SMARCD3: variants seen among roughly 807,000 people sequenced by gnomAD.
SMARCD3 encodes SWI/SNF-related matrix-associated actin-dependent regulator of chromatin subfamily D member 3.
Under a neutral mutation model 58.0 loss-of-function variants are expected in SMARCD3, and 14 were observed. That is an observed-to-expected ratio of 0.24 (90% confidence interval 0.16 to 0.38). The LOEUF (loss-of-function observed/expected upper bound fraction) is 0.38, where lower values mean the gene tolerates loss of function less well. SMARCD3 is among the 10% of genes least tolerant of loss of function. SMARCD3 has a pLI of 1.00. For synonymous variants in SMARCD3, 253 were observed against 253.8 expected (o/e 1.00, Z 0.03); for missense variants, 408 against 636.9 (o/e 0.64, Z 3.87).
At chr7:151,251,158 T>C (rs1351074211), upstream of SMARCD3, among the ~76,000 whole-genome samples, 1 of 151,928 alleles carries the variant, frequency 6.6e-6, no homozygotes, top group Non-Finnish European at 1.5e-5. Context: ...TGGAAGAGGT[T>C]GCGGGAGGTA....
In SMARCD3 at chr7:151,273,015, C is replaced by T. The variant is rs757521944; in HGVS notation, c.39+2099G>A. 4.6e-5 allele frequency among the ~76,000 whole-genome samples: 7 copies of T among 152,320 alleles called. No individual in the cohort carries two copies. In the South Asian group the frequency reaches 1.0e-3, roughly 23 times the overall value. On this transcript the variant is annotated intron_variant, in intron 2 of 13. Coordinates refer to the SMARCD3 transcript ENST00000356800. ...CATGAGCACTCACTTGCAGTCACAC[C>T]GCCAGTTTTGGGGTGAGGACGGACG...
chr7:151,261,366 C>T (rs1383734068), intron 2 of SMARCD3, among the ~76,000 whole-genome samples: 1 of 152,142 alleles, frequency 6.6e-6, no homozygotes, highest in Admixed American at 6.5e-5. Flanking sequence ...GGTGAAATTG[C>T]CCCAGGGTTG....
At position 151,246,419 on chromosome 7, in the gene SMARCD3, G is replaced by GCT. The variant is rs1467268660; in HGVS notation, c.79-749_79-748insAG. 1.3e-5 allele frequency among the ~76,000 whole-genome samples: 2 copies of GCT among 152,182 alleles called. No individual in the cohort carries two copies. Among genetic ancestry groups the GCT allele is most frequent in the East Asian group, 3.9e-4 (2 of 5,182 alleles). ...ATAATTTGCTCCCAGGGTGAGGGCT[G>GCT]GAGGCAGGGCAGGCAAGGGCAGCCT... On this transcript the variant is annotated intron_variant, in intron 1 of 12. Transcript: ENST00000262188. This position sits in a 1 kb window ranked among gnomAD's most constrained non-coding sequence, Gnocchi z 4.4.
In SMARCD3 at chr7:151,259,601, G is replaced by GTTTTTTT. The variant is rs112223142; in HGVS notation, c.40-13937_40-13931dup. ...TGCCAGCTGAGGTTACAACCTGAGAGTTTTTTTTTTTTTTTTTTTTTTTTT... is the reference window on the plus strand; with the variant it reads ...TGCCAGCTGAGGTTACAACCTGAGAGTTTTTTTTTTTTTTTTTTTTTTTTTTTTTTTT... On this transcript the variant is annotated intron_variant, in intron 2 of 13. Coordinates refer to the SMARCD3 transcript ENST00000356800. 5.3e-3 allele frequency among the ~76,000 whole-genome samples: 374 copies of GTTTTTTT among 70,494 alleles called. 33 individuals carry two copies. Among genetic ancestry groups the GTTTTTTT allele is most frequent in the African/African-American group, 0.011 (197 of 17,136 alleles). The allele number at this position is 70,494 out of a possible 152,430, so 46.2% of individuals were successfully genotyped here.
intron 1 of SMARCD3, among the ~76,000 whole-genome samples, chr7:151,275,471 C>T (rs572221899): frequency 1.0e-3 from 152 of 152,220 alleles, no homozygotes; most frequent in African/African-American, 3.5e-3. Flanking sequence ...CAGACAGAGA[C>T]CGGCCCCAGG....
Position 151,239,512 on chromosome 7 carries a change from G to T in SMARCD3, c.1297-15C>A, listed in dbSNP as rs772621477. 5.0e-6 allele frequency: 8 copies of T among 1,611,274 alleles called. No individual in the cohort carries two copies. The Admixed American group carries it at 1.0e-4, about 20-fold the overall frequency. ...TCTGTCATCACCTGGGAGGGAGCGTGGGGTGAGCCCTGAGCCCTGAATCCC... is the reference window on the plus strand; with the variant it reads ...TCTGTCATCACCTGGGAGGGAGCGTTGGGTGAGCCCTGAGCCCTGAATCCC... On this transcript the variant is annotated splice_polypyrimidine_tract_variant and intron_variant, in intron 11 of 12. Transcript: ENST00000262188. This position sits in a 1 kb window ranked among gnomAD's most constrained non-coding sequence, Gnocchi z 7.0.
chr7:151,257,807 G>A (rs1554489816), intron 2 of SMARCD3, among the ~76,000 whole-genome samples: 1 of 151,956 alleles, frequency 6.6e-6, no homozygotes, highest in Non-Finnish European at 1.5e-5. Flanking sequence ...ACCTCTCCAC[G>A]CTCACTTCCT....
At chr7:151,247,783 G>A (rs1221608939) in intron 1 of SMARCD3, among the ~76,000 whole-genome samples, 1 of 151,878 alleles carries the variant, frequency 6.6e-6, no homozygotes, top group Non-Finnish European at 1.5e-5. Context: ...TGGCAGGACA[G>A]TGCTCCCCTG....
At chr7:151,252,615 G>T (rs754390673), upstream of SMARCD3, among the ~76,000 whole-genome samples, 1 of 152,178 alleles carries the variant, frequency 6.6e-6, no homozygotes, top group Non-Finnish European at 1.5e-5. Context: ...CCCGGGCTAA[G>T]CACCAGCCTC....
Position 151,248,504 on chromosome 7 carries a change from T to G in SMARCD3, c.59A>C (p.Glu20Ala), listed in dbSNP as rs1319411127. 6.2e-7 allele frequency: 1 copy of G among 1,610,448 alleles called. No homozygotes were observed. Among genetic ancestry groups the G allele is most frequent in the Non-Finnish European group, 8.5e-7 (1 of 1,178,152 alleles). Residue 20 changes from glutamate to alanine, a missense_variant, in exon 1 of 13, where the codon GAG becomes GCG. Glu to Ala is a moderately radical substitution (Grantham distance 107). Transcript: ENST00000262188. This position sits in a 1 kb window ranked among gnomAD's most constrained non-coding sequence, Gnocchi z 6.1. ...ARKATKSKLFEFLVHGVRPGM... is the reference protein window; with the variant it reads ...ARKATKSKLFAFLVHGVRPGM... ...ACTCACCACCCCATGGACCAGAAACTCAAAAAGTTTGCTTTTCGTGGCTTT... is the reference window on the plus strand; with the variant it reads ...ACTCACCACCCCATGGACCAGAAACGCAAAAAGTTTGCTTTTCGTGGCTTT...
At position 151,239,265 on chromosome 7, in the gene SMARCD3, G is replaced by A; in HGVS notation, c.1399-109C>T. 1 of 1,371,270 alleles carries A rather than the reference G, an allele frequency of 7.3e-7. No individual in the cohort carries two copies. 84.9% of individuals were successfully genotyped at this position (1,371,270 alleles called of 1,614,324 possible). A position where few individuals can be genotyped will look rare whatever the true frequency, so the allele number is the denominator to read the frequency against. On this transcript the variant is annotated intron_variant, in intron 12 of 12. Transcript: ENST00000262188. The surrounding 1 kb of genome is among the most constrained non-coding windows in gnomAD (Gnocchi z 7.0). ...TGAAAGAGCATCTGGGAGCAGGGAG[G>A]GCCATTGCATGGTGAGGCAGCGTGG...
intron 2 of SMARCD3, among the ~76,000 whole-genome samples, chr7:151,253,884 G>A (rs1803611602): frequency 1.0e-5 from 1 of 100,074 alleles, no homozygotes; most frequent in South Asian, 4.0e-4. Context: ...GCAGTGCCCT[G>A]ACCTGCTGGC....
At chr7:151,240,630 T>C in intron 8 of SMARCD3, 108 bp from the exon 9 acceptor site, 6 of 816,438 alleles carry the variant, frequency 7.3e-6, no homozygotes, top group Non-Finnish European at 1.2e-5. Flanking sequence ...AGAGGAAGTC[T>C]GATTCCTCAG....
At chr7:151,264,058 A>T (rs1804005249) in intron 2 of SMARCD3, among the ~76,000 whole-genome samples, 7 of 135,492 alleles carry the variant, frequency 5.2e-5, no homozygotes, top group Admixed American at 3.0e-4. Flanking sequence ...TGAAGACAGG[A>T]TTTTTTTTTT....
At chr7:151,257,773 A>G (rs1803751147) in intron 2 of SMARCD3, among the ~76,000 whole-genome samples, 1 of 152,044 alleles carries the variant, frequency 6.6e-6, no homozygotes, top group African/African-American at 2.4e-5. Context: ...CAGGAGCGCC[A>G]GGACTCAGGC....
At chr7:151,266,050 A>G (rs1186079512) in intron 2 of SMARCD3, among the ~76,000 whole-genome samples, 2 of 151,864 alleles carry the variant, frequency 1.3e-5, no homozygotes, top group African/African-American at 4.8e-5. Context: ...GCTCACGGCA[A>G]TCTCCACCTC....
chr7:151,249,868 A>G (rs1477033567), upstream of SMARCD3, among the ~76,000 whole-genome samples: 1 of 151,812 alleles, frequency 6.6e-6, no homozygotes, highest in African/African-American at 2.4e-5. This position sits in a 1 kb window ranked among gnomAD's most constrained non-coding sequence, Gnocchi z 4.8. Context: ...ATCCTGACAT[A>G]CCCAGGCAGG....
At position 151,242,883 on chromosome 7, in the gene SMARCD3, T is replaced by A; in HGVS notation, c.334-40A>T. 1 of 1,611,770 alleles carries A rather than the reference T, an allele frequency of 6.2e-7. No individual in the cohort carries two copies. Among genetic ancestry groups the A allele is most frequent in the Non-Finnish European group, 8.5e-7 (1 of 1,178,980 alleles). ...GCAGGGCAGGAGTCAGAGGCTCAAG[T>A]CCAGGGTTGTACCATGGAATGTATG... On this transcript the variant is annotated intron_variant, in intron 3 of 12. Coordinates refer to ENST00000262188, the MANE Select transcript of SMARCD3 (RefSeq NM_001003801.2). This position sits in a 1 kb window ranked among gnomAD's most constrained non-coding sequence, Gnocchi z 4.7.
intron 2 of SMARCD3, among the ~76,000 whole-genome samples, chr7:151,268,882 G>T (rs1264875466): frequency 6.6e-6 from 1 of 152,110 alleles, no homozygotes; most frequent in Non-Finnish European, 1.5e-5. Context: ...GAGATTACAG[G>T]CATGAACCAC....
Sources: gnomAD v4.1 joint callset for allele counts (sites outside exome capture counted in the v4.1 genomes callset) on GRCh38, gnomAD v4.1.1 for gene constraint, Gnocchi (gnomAD v3.1) non-coding constraint, MANE v1.5 for transcripts, NCBI Gene and HGNC (gene_info 2026-07-23, HGNC 2026-07-21) for gene names.